The following IARS1 variants were observed in gnomAD, a reference collection of about 807,000 sequenced individuals.
IARS1 encodes isoleucine--tRNA ligase, cytoplasmic.
IARS1 carries 124 observed loss-of-function variants against 168.2 expected under a neutral mutation model. That is an observed-to-expected ratio of 0.74 (90% confidence interval 0.64 to 0.86). The LOEUF (loss-of-function observed/expected upper bound fraction) is 0.86, where lower values mean the gene tolerates loss of function less well. IARS1 is among the 40% of genes least tolerant of loss of function. The pLI is 0.00. For synonymous variants in IARS1, 532 were observed against 529.4 expected (o/e 1.00, Z -0.07); for missense variants, 1,452 against 1,515.8 (o/e 0.96, Z 0.70).
intron 4 of IARS1, 111 bp from the exon 5 acceptor site, chr9:92,286,729 A>T (rs1835524491): frequency 3.3e-6 from 2 of 599,842 alleles, no homozygotes; most frequent in Non-Finnish European, 5.9e-6. Context: ...AAAACAGAAT[A>T]ATCAATGGTA....
At chr9:92,274,953 A>G (rs1002057927) in intron 9 of IARS1, among the ~76,000 whole-genome samples, 8 of 152,210 alleles carry the variant, frequency 5.3e-5, no homozygotes, top group African/African-American at 1.7e-4. Flanking sequence ...TCAGTCATAA[A>G]GGCAAATCTT....
At chr9:92,287,699 T>C in intron 4 of IARS1, 92 bp downstream of exon 4, 1 of 1,354,478 alleles carries the variant, frequency 7.4e-7, no homozygotes, top group Non-Finnish European at 9.9e-7. Flanking sequence ...AAAAATAAAT[T>C]AATAAAAAAA....
chr9:92,254,928 A>G (rs909934165), intron 20 of IARS1, among the ~76,000 whole-genome samples: 4 of 152,226 alleles, frequency 2.6e-5, no homozygotes, highest in Non-Finnish European at 5.9e-5. Context: ...CAGAATGCGC[A>G]TCTCCAGACC....
At chr9:92,218,312 A>G (rs1457501693) in intron 33 of IARS1, among the ~76,000 whole-genome samples, 12 of 139,814 alleles carry the variant, frequency 8.6e-5, no homozygotes, top group African/African-American at 3.1e-4. Flanking sequence ...ACCCACAGCC[A>G]ATATCATACT....
chr9:92,214,291 C>A lies in IARS1; in HGVS notation c.3707-3402G>T, dbSNP rs188825081. 8.6e-5 allele frequency among the ~76,000 whole-genome samples: 13 copies of A among 151,964 alleles called. No individual in the cohort carries two copies. The South Asian group carries it at 1.9e-3, about 22-fold the overall frequency. ...ATAGAATGGTCTGGGTGTGGTGGCT[C>A]ACCCCCGTAATCCCAGCACTTTGGG... On this transcript the variant is annotated intron_variant, in intron 33 of 33. Coordinates refer to ENST00000443024, the MANE Select transcript of IARS1 (RefSeq NM_002161.6).
chr9:92,265,379 G>A, intron 15 of IARS1, 101 bp downstream of exon 15: 1 of 1,106,800 alleles, frequency 9.0e-7, no homozygotes, highest in African/African-American at 1.5e-5. Context: ...AAGTAATTCA[G>A]CAAGCTAGTC....
intron 31 of IARS1, among the ~76,000 whole-genome samples, chr9:92,224,251 A>G (rs1825280103): frequency 6.6e-6 from 1 of 152,156 alleles, no homozygotes; most frequent in Admixed American, 6.6e-5. Context: ...TCCAAAGTAG[A>G]CAATTACAGT....
intron 33 of IARS1, among the ~76,000 whole-genome samples, chr9:92,215,226 G>A (rs1587682558): frequency 6.6e-6 from 1 of 152,170 alleles, no homozygotes; most frequent in Non-Finnish European, 1.5e-5. Flanking sequence ...CTGTCAGAAG[G>A]AAAACTAACA....
At chr9:92,272,624 C>T (rs142516334) in intron 10 of IARS1, among the ~76,000 whole-genome samples, 9 of 152,264 alleles carry the variant, frequency 5.9e-5, no homozygotes, top group South Asian at 2.1e-4. Flanking sequence ...CCAAGGCGGT[C>T]AGATCACCTG....
At chr9:92,215,167 T>TA (rs1290072328) in intron 33 of IARS1, among the ~76,000 whole-genome samples, 1 of 152,284 alleles carries the variant, frequency 6.6e-6, no homozygotes, top group African/African-American at 2.4e-5. Context: ...GGCACACTGA[T>TA]ACCTCACACG....
intron 23 of IARS1, 102 bp from the exon 24 acceptor site, chr9:92,250,391 TG>T: frequency 1.3e-6 from 1 of 791,748 alleles, no homozygotes; most frequent in South Asian, 1.5e-5. Flanking sequence ...GCTAGAGAAG[TG>T]TGGCTAGGCC....
chr9:92,274,514 T>C lies in IARS1; in HGVS notation c.902A>G (p.Glu301Gly), dbSNP rs1199815782. The C allele has an allele frequency of 6.2e-7, 1 of 1,612,546 alleles. No homozygotes were observed. The highest frequency in any genetic ancestry group is 8.5e-7 in the Non-Finnish European group (1 of 1,178,608). Residue 301 changes from glutamate to glycine, a missense_variant, in exon 10 of 34, where the codon GAG becomes GGG. Physicochemically the swap from Glu to Gly is moderately conservative, Grantham distance 98. Transcript: ENST00000443024. ...AACAAGCACAGTGAAAGCGCCATTCTCTTTACACTGGAAAGAAAGGACAGC... is the reference window on the plus strand; with the variant it reads ...AACAAGCACAGTGAAAGCGCCATTCCCTTTACACTGGAAAGAAAGGACAGC... ...PLFDYFLKCK[E>G]NGAFTVLVDN... is the part of the protein sequence containing the mutation.
At chr9:92,250,585 CA>C (rs2133698485) in intron 23 of IARS1, 127 bp downstream of exon 23, 1 of 1,063,260 alleles carries the variant, frequency 9.4e-7, no homozygotes, top group African/African-American at 1.6e-5. Context: ...CTGAGGAGTT[CA>C]TGTCAGCTGG....
intron 12 of IARS1, among the ~76,000 whole-genome samples, chr9:92,270,431 C>G (rs1016822508): frequency 6.6e-6 from 1 of 152,094 alleles, no homozygotes; most frequent in African/African-American, 2.4e-5. Context: ...GGCCACAATA[C>G]AAAACAGATT....
intron 15 of IARS1, 96 bp downstream of exon 15, chr9:92,265,384 C>G (rs1832141254): frequency 1.8e-6 from 2 of 1,129,584 alleles, no homozygotes; most frequent in Non-Finnish European, 2.7e-6. Context: ...ATTCAGCAAG[C>G]TAGTCACTTC....
chr9:92,286,281 C>T (rs1835443851), intron 5 of IARS1: 5 of 340,232 alleles, frequency 1.5e-5, no homozygotes, highest in African/African-American at 4.2e-5. Context: ...GCAAGAGAAT[C>T]GCTTGAACCT....
At chr9:92,218,960 C>G (rs1839229940) in intron 33 of IARS1, among the ~76,000 whole-genome samples, 1 of 152,178 alleles carries the variant, frequency 6.6e-6, no homozygotes, top group Non-Finnish European at 1.5e-5. Flanking sequence ...GCCCGCAACG[C>G]CAAGTCAATC....
intron 30 of IARS1, among the ~76,000 whole-genome samples, chr9:92,232,132 G>A (rs1426976328): frequency 1.3e-5 from 2 of 150,106 alleles, no homozygotes; most frequent in Non-Finnish European, 1.5e-5. Flanking sequence ...ACATGCACAT[G>A]CTGTAAAAGT....
At chr9:92,254,077 C>T (rs1408658270) in intron 20 of IARS1, among the ~76,000 whole-genome samples, 2 of 152,200 alleles carry the variant, frequency 1.3e-5, no homozygotes, top group African/African-American at 2.4e-5. Flanking sequence ...AGAGGATGAC[C>T]TGGCCCAAAC....
Sources: allele counts gnomAD v4.1 joint callset (sites outside exome capture counted in the v4.1 genomes callset), GRCh38; gene constraint gnomAD v4.1.1; transcripts MANE v1.5; gene names NCBI Gene and HGNC (gene_info 2026-07-23, HGNC 2026-07-21).